SLC44A1: variants seen among roughly 807,000 people sequenced by gnomAD.
SLC44A1 encodes the protein choline transporter-like protein 1.
A neutral mutation model predicts 79.3 loss-of-function variants in SLC44A1; 26 were observed. That is an observed-to-expected ratio of 0.33 (90% CI 0.24 to 0.46). SLC44A1 has a LOEUF of 0.46. SLC44A1 is among the 20% of genes least tolerant of loss of function. The pLI is 1.00. For synonymous variants in SLC44A1, 263 were observed against 286.2 expected, an observed-to-expected ratio of 0.92 and a Z score of 0.82; for missense variants, 688 against 798.1, an observed-to-expected ratio of 0.86 and a Z score of 1.66.
chr9:105,263,602 T>C (rs866356906), intron 1 of SLC44A1, among the ~76,000 whole-genome samples: 31 of 151,314 alleles, frequency 2.0e-4, no homozygotes, highest in African/African-American at 5.6e-4. Context: ...AATGGCGCGA[T>C]CTTGGCTCAC....
downstream of SLC44A1, among the ~76,000 whole-genome samples, chr9:105,397,604 G>A (rs542653999): frequency 9.8e-5 from 15 of 152,292 alleles, 1 homozygote; most frequent in South Asian, 1.2e-3. Context: ...GAGTTGCCGC[G>A]TGAATGCTAA....
rs1011747915 is a variant in SLC44A1 at position 105,396,153 on chromosome 9, GTGT to G, written c.*7103_*7105del. On this transcript the variant is annotated 3_prime_UTR_variant, in exon 16 of 16. Transcript: ENST00000374720. The stretch of plus-strand genomic sequence containing the variant: ...TGCCTTAATGCTACTAGATTGTGTT[GTGT>G]TGTTGGAGTTTTCTGACTTCTTCCC... The G allele has an allele frequency of 1.4e-5, 14 of 985,130 alleles. No individual in the cohort carries two copies. In the African/African-American group the frequency reaches 2.1e-4, roughly 15 times the overall value. The allele number at this position is 985,130 out of a possible 1,614,324, so 61.0% of individuals were successfully genotyped here. A position where few individuals can be genotyped will look rare whatever the true frequency, so the allele number is the denominator to read the frequency against.
chr9:105,431,738 C>T (rs1239920870), intron 15 of SLC44A1, among the ~76,000 whole-genome samples: 7 of 152,136 alleles, frequency 4.6e-5, no homozygotes, highest in Admixed American at 3.9e-4. Flanking sequence ...AATTTTTAGG[C>T]GGGTATAACT....
intron 15 of SLC44A1, among the ~76,000 whole-genome samples, chr9:105,422,461 G>A (rs1829267278): frequency 6.6e-6 from 1 of 151,786 alleles, no homozygotes; most frequent in Admixed American, 6.6e-5. Flanking sequence ...GCTAATTTTT[G>A]TATTTTTAGT....
intron 5 of SLC44A1, among the ~76,000 whole-genome samples, chr9:105,350,718 A>G (rs1827379011): frequency 6.6e-6 from 1 of 152,200 alleles, no homozygotes; most frequent in African/African-American, 2.4e-5. Context: ...AAGTGGGAAT[A>G]GTCATACTCC....
At chr9:105,290,579 TCTG>T (rs756127005) in intron 1 of SLC44A1, among the ~76,000 whole-genome samples, 9 of 152,242 alleles carry the variant, frequency 5.9e-5, no homozygotes, top group Non-Finnish European at 7.3e-5. Flanking sequence ...TAACTTGGCC[TCTG>T]CCCAGTAATT....
At chr9:105,410,600 G>T (rs921345254) in intron 15 of SLC44A1, among the ~76,000 whole-genome samples, 1 of 152,166 alleles carries the variant, frequency 6.6e-6, no homozygotes, top group African/African-American at 2.4e-5. Context: ...TACATTGCTG[G>T]TGAGAATGTA....
At chr9:105,349,651 G>A (rs72744234) in intron 5 of SLC44A1, among the ~76,000 whole-genome samples, 2,734 of 152,176 alleles carry the variant, frequency 0.018, 31 homozygotes, top group Non-Finnish European at 0.026. Flanking sequence ...AAGAAAAGGG[G>A]ATCCTTTGAA....
At position 105,262,583 on chromosome 9, in the gene SLC44A1, T is replaced by C. The variant is rs562150556; in HGVS notation, c.36+17679T>C. ...TCGTTGTTGACTAACCTATGGTGGCTCTTTTGTTGCTCTTATGTGTTTATG... is the reference window on the plus strand; with the variant it reads ...TCGTTGTTGACTAACCTATGGTGGCCCTTTTGTTGCTCTTATGTGTTTATG... On this transcript the variant is annotated intron_variant, in intron 1 of 15. Transcript: ENST00000374720. Among the ~76,000 whole-genome samples the C allele has an allele frequency of 1.1e-4, 16 of 152,334 alleles. 1 individual carries two copies. In the South Asian group the frequency reaches 3.3e-3, roughly 32 times the overall value.
chr9:105,363,920 A>T (rs777769980), intron 9 of SLC44A1, among the ~76,000 whole-genome samples: 72 of 152,218 alleles, frequency 4.7e-4, no homozygotes, highest in Non-Finnish European at 9.4e-4. Flanking sequence ...AGTGAATGCA[A>T]TGTCACTCAG....
intron 1 of SLC44A1, among the ~76,000 whole-genome samples, chr9:105,248,878 T>G (rs973674392): frequency 6.6e-6 from 1 of 152,256 alleles, no homozygotes; most frequent in African/African-American, 2.4e-5. Context: ...ATGAATCTTT[T>G]GAAAGATTAC....
chr9:105,379,500 C>T (rs1300651183), intron 13 of SLC44A1, among the ~76,000 whole-genome samples: 2 of 152,048 alleles, frequency 1.3e-5, no homozygotes, highest in East Asian at 3.9e-4. Flanking sequence ...GTAAAGGGTA[C>T]GTGGAACCGT....
At chr9:105,304,426 C>T (rs1804566279) in intron 2 of SLC44A1, among the ~76,000 whole-genome samples, 1 of 152,150 alleles carries the variant, frequency 6.6e-6, no homozygotes, top group Non-Finnish European at 1.5e-5. Context: ...GTGATTATTA[C>T]TTATTAATGT....
rs1588867086 is a variant in SLC44A1, at chr9:105,396,025, T to C, written c.*6969T>C. 1.0e-6 allele frequency: 1 copy of C among 985,402 alleles called. No homozygotes were observed. The highest frequency in any genetic ancestry group is 1.2e-6 in the Non-Finnish European group (1 of 829,926). 61.0% of individuals were successfully genotyped at this position (985,402 alleles called of 1,614,324 possible). ...GATTTTCCCCCATCCTCTAGGTTCC[T>C]GTAGTCTGTGCTCAGAACTTGGTTT... On this transcript the variant is annotated 3_prime_UTR_variant, in exon 16 of 16. Coordinates refer to ENST00000374720, the MANE Select transcript of SLC44A1 (RefSeq NM_080546.5).
At position 105,427,499 on chromosome 9, in the gene SLC44A1, T is replaced by C. The variant is rs144124421; in HGVS notation, c.1951-10782T>C. Among the ~76,000 whole-genome samples, 1,013 of 151,756 alleles carry C rather than the reference T, an allele frequency of 6.7e-3. 7 individuals are homozygous for C. Among genetic ancestry groups the C allele is most frequent in the African/African-American group, 0.023 (960 of 41,330 alleles). On this transcript the variant is annotated intron_variant, in intron 15 of 15. Coordinates refer to the SLC44A1 transcript ENST00000374724. ...TACGTTGCTCAGGCTGGTCTCAAAC[T>C]CCTGGGCTCAAGCAAGTCTCCTGCC...
Position 105,390,621 on chromosome 9 carries a change from C to G in SLC44A1, c.*1565C>G. ...ATGTGCTTCCTTTCAAAGGGTTGGA[C>G]CTTTAAATTGCTGCAAAAGGTAAAT... On this transcript the variant is annotated 3_prime_UTR_variant, in exon 16 of 16. Coordinates refer to ENST00000374720, the MANE Select transcript of SLC44A1 (RefSeq NM_080546.5). The G allele has an allele frequency of 1.0e-6, 1 of 985,590 alleles. No individual in the cohort carries two copies. The highest frequency in any genetic ancestry group is 1.2e-6 in the Non-Finnish European group (1 of 829,880). The allele number at this position is 985,590 out of a possible 1,614,324, so 61.1% of individuals were successfully genotyped here. A position where few individuals can be genotyped will look rare whatever the true frequency, so the allele number is the denominator to read the frequency against.
intron 1 of SLC44A1, among the ~76,000 whole-genome samples, chr9:105,268,054 G>C (rs1041796680): frequency 5.3e-5 from 8 of 152,166 alleles, no homozygotes; most frequent in Non-Finnish European, 1.2e-4. Context: ...TCAATATTCA[G>C]TGTATAAACT....
At chr9:105,388,545 T>C (rs1479877177) in intron 15 of SLC44A1, among the ~76,000 whole-genome samples, 1 of 152,246 alleles carries the variant, frequency 6.6e-6, no homozygotes, top group African/African-American at 2.4e-5. Context: ...TGAGGTTTTA[T>C]ATTTTCCTTT....
At chr9:105,325,011 A>G (rs191094721) in intron 3 of SLC44A1, among the ~76,000 whole-genome samples, 14 of 152,344 alleles carry the variant, frequency 9.2e-5, no homozygotes, top group Middle Eastern at 3.4e-3. Context: ...TATCTACCCA[A>G]GAGAACTAAA....
Sources: allele counts gnomAD v4.1 joint callset (sites outside exome capture counted in the v4.1 genomes callset), GRCh38; gene constraint gnomAD v4.1.1; transcripts MANE v1.5; gene names NCBI Gene and HGNC (gene_info 2026-07-23, HGNC 2026-07-21).